SLC2A5: variants seen among roughly 807,000 people sequenced by gnomAD.
SLC2A5 encodes the protein solute carrier family 2, facilitated glucose transporter member 5.
In SLC2A5, 56 loss-of-function variants were observed where a neutral mutation model predicts 50.3. The ratio of observed to expected loss-of-function variants is 1.11; its 90% CI spans 0.90 to 1.39. SLC2A5 has a LOEUF of 1.39. Among genes scored for constraint, SLC2A5 ranks in the 40% most tolerant of loss-of-function variants. SLC2A5 has a pLI of 0.00. For missense variants in SLC2A5, 566 were observed against 650.1 expected, an observed-to-expected ratio of 0.87 and a Z score of 1.41; for synonymous variants, 269 against 281.9, an observed-to-expected ratio of 0.95 and a Z score of 0.46.
the SLC2A5 span, among the ~76,000 whole-genome samples, chr1:9,093,871 A>G: frequency 6.6e-6 from 1 of 151,796 alleles, no homozygotes; most frequent in Non-Finnish European, 1.5e-5. Context: ...TAATCTATCA[A>G]CTCCAAAAAG....
At chr1:9,057,834 C>T (rs754185382) in intron 2 of SLC2A5, among the ~76,000 whole-genome samples, 2 of 152,144 alleles carry the variant, frequency 1.3e-5, no homozygotes, top group Non-Finnish European at 2.9e-5. Flanking sequence ...GGGTGTTTCT[C>T]AGCCAGAAAG....
chr1:9,046,394 GAAGCAACAGAGTGGGATTAGGAAAA>G lies in SLC2A5; in HGVS notation c.418+1191_418+1215del, dbSNP rs546091263. On this transcript the variant is annotated intron_variant, in intron 4 of 11. Coordinates refer to ENST00000377424, the MANE Select transcript of SLC2A5 (RefSeq NM_003039.3). The stretch of plus-strand genomic sequence containing the variant: ...TGTACAGCCTGGCAGCCTAGGCTTG[GAAGCAACAGAGTGGGATTAGGAAAA>G]AACACCTCCCAGTTTGTTAGATGAG... 3.9e-5 allele frequency among the ~76,000 whole-genome samples: 6 copies of G among 152,318 alleles called. No individual in the cohort carries two copies. The East Asian group carries it at 1.2e-3, about 29-fold the overall frequency.
At chr1:9,048,271 G>A (rs1272166854) in intron 3 of SLC2A5, among the ~76,000 whole-genome samples, 3 of 152,190 alleles carry the variant, frequency 2.0e-5, no homozygotes, top group African/African-American at 7.2e-5. Flanking sequence ...CACTTTGGGA[G>A]GCCGAGGTGG....
intron 1 of SLC2A5, among the ~76,000 whole-genome samples, chr1:9,063,756 C>T (rs865783656): frequency 8.0e-6 from 1 of 124,648 alleles, no homozygotes. Context: ...AGTGCAGTGG[C>T]GCGATCTCGG....
chr1:9,072,596 A>T (rs932214803), upstream of SLC2A5, among the ~76,000 whole-genome samples: 1 of 151,976 alleles, frequency 6.6e-6, no homozygotes, highest in Non-Finnish European at 1.5e-5. Context: ...TAGGATGGAA[A>T]ATTGACAATC....
chr1:9,065,137 T>C (rs1222882228), intron 1 of SLC2A5, among the ~76,000 whole-genome samples: 1 of 152,106 alleles, frequency 6.6e-6, no homozygotes, highest in Non-Finnish European at 1.5e-5. Context: ...CAAACACCGT[T>C]TGTAATCACT....
chr1:9,044,674 C>T (rs1164470156), intron 4 of SLC2A5, among the ~76,000 whole-genome samples: 1 of 152,142 alleles, frequency 6.6e-6, no homozygotes, highest in Non-Finnish European at 1.5e-5. Flanking sequence ...CATGCCTCAG[C>T]CTCCCTAGTA....
intron 2 of SLC2A5, among the ~76,000 whole-genome samples, chr1:9,076,441 C>G (rs1642284882): frequency 6.6e-6 from 1 of 152,190 alleles, no homozygotes; most frequent in Non-Finnish European, 1.5e-5. Context: ...GTGGTCCTTG[C>G]CAGTCATTTC....
intron 11 of SLC2A5, 36 bp from the exon 12 acceptor site, chr1:9,037,825 T>C: frequency 6.2e-7 from 1 of 1,613,898 alleles, no homozygotes. Context: ...GTGTGGGACG[T>C]GGTTTGCCCA....
chr1:9,086,670 C>A (rs1479684216), intron 1 of SLC2A5, among the ~76,000 whole-genome samples: 1 of 152,068 alleles, frequency 6.6e-6, no homozygotes, highest in Non-Finnish European at 1.5e-5. Flanking sequence ...GGATTACAGG[C>A]GTCAGCCACT....
chr1:9,059,146 T>A (rs1008826681), intron 1 of SLC2A5, among the ~76,000 whole-genome samples: 4 of 101,496 alleles, frequency 3.9e-5, no homozygotes, highest in Non-Finnish European at 8.1e-5. Flanking sequence ...CTTTTTTTTT[T>A]TTTTTTTTTT....
intron 3 of SLC2A5, among the ~76,000 whole-genome samples, chr1:9,050,322 G>A (rs1045362763): frequency 7.2e-5 from 11 of 151,846 alleles, no homozygotes; most frequent in African/African-American, 2.7e-4. Flanking sequence ...GGCACTATTG[G>A]TGGTGCACTC....
chr1:9,053,410 T>A (rs60652374), intron 3 of SLC2A5, among the ~76,000 whole-genome samples: 1 of 88,150 alleles, frequency 1.1e-5, no homozygotes, highest in Non-Finnish European at 2.0e-5. Flanking sequence ...ATTTATATAT[T>A]ATATATATTT....
intron 3 of SLC2A5, 131 bp downstream of exon 3, chr1:9,057,317 A>G: frequency 2.1e-6 from 1 of 483,750 alleles, no homozygotes. Context: ...AAAAAAAAAG[A>G]AAGAAAAAAG....
At position 9,058,197 on chromosome 1, in the gene SLC2A5, G is replaced by A; in HGVS notation, c.87C>T (p.Ser29=). ...LATLIAAFGS[S]FQYGYNVAAV... ...CAGCCACGTTGTACCCATACTGGAA[G>A]GATGACCCAAAGGCAGCTATCAGGG... The change falls in exon 2 of 12, where the codon TCC becomes TCT. Residue 29 remains serine, a synonymous_variant. Coordinates refer to ENST00000377424, the MANE Select transcript of SLC2A5 (RefSeq NM_003039.3). 2.5e-6 allele frequency: 4 copies of A among 1,614,140 alleles called. No individual in the cohort carries two copies. Among genetic ancestry groups the A allele is most frequent in the African/African-American group, 1.3e-5 (1 of 75,060 alleles).
chr1:9,057,293 A>T (rs1269573499), intron 3 of SLC2A5, among the ~76,000 whole-genome samples, 155 bp downstream of exon 3: 21 of 121,188 alleles, frequency 1.7e-4, no homozygotes, highest in Middle Eastern at 4.0e-3. Context: ...CTCAAAAATT[A>T]AAAAAAAAAA....
intron 2 of SLC2A5, 136 bp downstream of exon 2, chr1:9,058,016 G>A: frequency 1.5e-6 from 1 of 665,746 alleles, no homozygotes; most frequent in Non-Finnish European, 2.7e-6. Flanking sequence ...TCGGGTCTGT[G>A]CTGTGTCCGG....
intron 1 of SLC2A5, among the ~76,000 whole-genome samples, chr1:9,059,423 G>A (rs538443855): frequency 2.1e-4 from 32 of 151,328 alleles, no homozygotes; most frequent in African/African-American, 6.1e-4. Flanking sequence ...GATTACAGGC[G>A]TGAGCCACCA....
chr1:9,038,553 C>T (rs199634545), intron 9 of SLC2A5, 47 bp from the exon 10 acceptor site: 103 of 1,545,084 alleles, frequency 6.7e-5, no homozygotes, highest in Non-Finnish European at 8.7e-5. Context: ...CAAGCTAGGA[C>T]GGGACCCCAG....
Sources: gnomAD v4.1 joint callset for allele counts (sites outside exome capture counted in the v4.1 genomes callset) on GRCh38, gnomAD v4.1.1 for gene constraint, MANE v1.5 for transcripts, NCBI Gene and HGNC (gene_info 2026-07-23, HGNC 2026-07-21) for gene names.